Variants in AGT observed in about 807,000 individuals in gnomAD.
The protein encoded by AGT is alpha-1 antiproteinase, antitrypsin.
Under a neutral mutation model 28.1 loss-of-function variants are expected in AGT, and 26 were observed. The observed-to-expected ratio is 0.92, with a 90% CI of 0.68 to 1.28. AGT has a LOEUF of 1.28. AGT is among the 50% of genes most tolerant of loss of function. The pLI, the probability that AGT is intolerant of heterozygous loss-of-function variation, is 0.00. For synonymous variants in AGT, 259 were observed against 259.6 expected (o/e 1.00, Z 0.02); for missense variants, 596 against 592.3 (o/e 1.01, Z -0.06).
At chr1:230,718,240 C>T (rs1478066145), upstream of AGT, among the ~76,000 whole-genome samples, 3 of 152,140 alleles carry the variant, frequency 2.0e-5, no homozygotes, top group Admixed American at 6.6e-5. Context: ...CCACCATTCT[C>T]AGCCTGTTCT....
chr1:230,716,322 C>T (rs928198027), upstream of AGT, among the ~76,000 whole-genome samples: 1 of 152,258 alleles, frequency 6.6e-6, no homozygotes, highest in African/African-American at 2.4e-5. Context: ...TAGGCACCTT[C>T]TGTGTTCATT....
chr1:230,716,554 A>G (rs1455624690), upstream of AGT, among the ~76,000 whole-genome samples: 1 of 152,214 alleles, frequency 6.6e-6, no homozygotes. Flanking sequence ...TAATTGAATC[A>G]TGAGGGTGGA....
At chr1:230,735,089 C>T (rs897433814) in intron 1 of AGT, among the ~76,000 whole-genome samples, 3 of 152,136 alleles carry the variant, frequency 2.0e-5, no homozygotes, top group South Asian at 2.1e-4. Context: ...ATCGCCTCCC[C>T]GTTGCTCATG....
chr1:230,737,670 G>T (rs16852514), intron 1 of AGT, among the ~76,000 whole-genome samples: 1 of 152,002 alleles, frequency 6.6e-6, no homozygotes, highest in African/African-American at 2.4e-5. Flanking sequence ...ACAACTTTAC[G>T]AAACACTGTA....
chr1:230,731,695 G>A (rs767867429), intron 1 of AGT, among the ~76,000 whole-genome samples: 17 of 152,000 alleles, frequency 1.1e-4, no homozygotes, highest in South Asian at 4.1e-4. Flanking sequence ...GTGAAACCCC[G>A]TCTCTACTAA....
intron 1 of AGT, 82 bp from the exon 2 acceptor site, chr1:230,710,935 A>G: frequency 6.6e-7 from 1 of 1,510,866 alleles, no homozygotes; most frequent in African/African-American, 1.4e-5. Flanking sequence ...TCATTGTCTC[A>G]ATATTCCCTG....
chr1:230,708,924 G>A (rs538777666), intron 2 of AGT, among the ~76,000 whole-genome samples: 1 of 152,212 alleles, frequency 6.6e-6, no homozygotes. Flanking sequence ...CCCATTTTCT[G>A]GTTCAACACT....
intron 1 of AGT, among the ~76,000 whole-genome samples, chr1:230,729,626 T>A (rs1664013600): frequency 6.6e-6 from 1 of 152,118 alleles, no homozygotes; most frequent in Non-Finnish European, 1.5e-5. Context: ...AGTGGGCACA[T>A]GCCTCCAAGC....
At chr1:230,708,457 C>A (rs1250743674) in intron 2 of AGT, among the ~76,000 whole-genome samples, 1 of 152,180 alleles carries the variant, frequency 6.6e-6, no homozygotes, top group Non-Finnish European at 1.5e-5. Context: ...AACCGGGCAA[C>A]CCTCGGGCTG....
intron 1 of AGT, among the ~76,000 whole-genome samples, chr1:230,738,191 T>C (rs1270395291): frequency 6.6e-6 from 1 of 152,266 alleles, no homozygotes; most frequent in African/African-American, 2.4e-5. Flanking sequence ...ACATCTGTTT[T>C]CAGTTCTCTT....
upstream of AGT, among the ~76,000 whole-genome samples, chr1:230,714,486 G>A (rs1458999733): frequency 6.6e-6 from 1 of 152,134 alleles, no homozygotes; most frequent in Non-Finnish European, 1.5e-5. Context: ...CCCCCAAGAG[G>A]CCACAGGGAC....
chr1:230,704,053 T>C, intron 4 of AGT, 140 bp downstream of exon 4: 1 of 1,301,158 alleles, frequency 7.7e-7, no homozygotes, highest in Non-Finnish European at 1.1e-6. Context: ...GCTACTTCTC[T>C]CCCACCTTTG....
intron 2 of AGT, among the ~76,000 whole-genome samples, chr1:230,708,890 G>A (rs760153445): frequency 8.8e-4 from 134 of 152,264 alleles, no homozygotes; most frequent in African/African-American, 2.9e-3. Flanking sequence ...CGTTCAAAGT[G>A]TCTCCAGCTC....
chr1:230,743,140 C>G (rs1358429253), intron 1 of AGT, among the ~76,000 whole-genome samples: 2 of 152,116 alleles, frequency 1.3e-5, no homozygotes, highest in Non-Finnish European at 2.9e-5. Context: ...ACAGGCACCC[C>G]CACCACGCCT....
intron 1 of AGT, among the ~76,000 whole-genome samples, chr1:230,726,063 C>G (rs1663935670): frequency 6.6e-6 from 1 of 152,170 alleles, no homozygotes; most frequent in Non-Finnish European, 1.5e-5. Flanking sequence ...GCAGTGTGTG[C>G]TATTTAGACT....
Position 230,705,894 on chromosome 1 carries a change from G to A in AGT, c.1097+39C>T, listed in dbSNP as rs761251154. The A allele has an allele frequency of 4.3e-6, 7 of 1,611,366 alleles. No homozygotes were observed. The African/African-American group carries it at 9.3e-5, about 22-fold the overall frequency. On this transcript the variant is annotated intron_variant, in intron 3 of 4. Transcript: ENST00000366667. ...CCGCCCCCAGCCTGGGCAGGACAGT[G>A]TGGCTCCCACATTCCAGGGGAGACC...
intron 1 of AGT, among the ~76,000 whole-genome samples, chr1:230,712,849 C>T (rs1318821735): frequency 6.6e-6 from 1 of 152,170 alleles, no homozygotes; most frequent in Non-Finnish European, 1.5e-5. Context: ...CACCCTCGCC[C>T]TGAGTGCCCC....
rs562117729 is a variant in AGT, at chr1:230,738,111, T to C, written c.-31+7404A>G. 2.0e-4 allele frequency among the ~76,000 whole-genome samples: 31 copies of C among 152,392 alleles called. 1 individual carries two copies. In the South Asian group the frequency reaches 5.0e-3, roughly 24 times the overall value. Reference sequence around the variant, plus strand: ...TATCCATTCATCAGCTGATGGACAATTAGTTGCTTGCACCTTCTGGCTGTT... The same window carrying C: ...TATCCATTCATCAGCTGATGGACAACTAGTTGCTTGCACCTTCTGGCTGTT... On this transcript the variant is annotated intron_variant, in intron 1 of 4. Coordinates refer to the AGT transcript ENST00000681269.
chr1:230,731,727 C>T (rs1664072776), intron 1 of AGT, among the ~76,000 whole-genome samples: 1 of 152,046 alleles, frequency 6.6e-6, no homozygotes, highest in African/African-American at 2.4e-5. Flanking sequence ...ATTAGCCAGG[C>T]ATGGTGGCAC....
Sources: allele counts gnomAD v4.1 joint callset (sites outside exome capture counted in the v4.1 genomes callset), GRCh38; gene constraint gnomAD v4.1.1; transcripts MANE v1.5; gene names NCBI Gene and HGNC (gene_info 2026-07-23, HGNC 2026-07-21).